Variants in GPC5 observed in about 807,000 individuals in gnomAD.
GPC5 encodes glypican 5.
GPC5 carries 47 observed loss-of-function variants against 53.9 expected under a neutral mutation model. The ratio of observed to expected loss-of-function variants is 0.87; its 90% CI spans 0.69 to 1.11. GPC5 has a LOEUF of 1.11. Ranked by LOEUF, GPC5 falls within the 50% of genes most tolerant of loss-of-function variation. The probability of loss-of-function intolerance (pLI) is 0.00; values close to 1 mark genes in which losing one functional copy is unlikely to be tolerated. For missense variants in GPC5, 748 were observed against 713.1 expected (o/e 1.05, Z -0.56); for synonymous variants, 286 against 263.3 (o/e 1.09, Z -0.84).
At chr13:91,790,311 C>A (rs1049640230) in intron 5 of GPC5, among the ~76,000 whole-genome samples, 7 of 152,032 alleles carry the variant, frequency 4.6e-5, no homozygotes, top group Non-Finnish European at 4.4e-5. Flanking sequence ...GGTCATTTGC[C>A]CAAGGCATAC....
chr13:92,175,316 A>G (rs969771096), intron 7 of GPC5, among the ~76,000 whole-genome samples: 3 of 152,196 alleles, frequency 2.0e-5, no homozygotes, highest in Non-Finnish European at 4.4e-5. Context: ...CATCTATACC[A>G]TATTTTGTAT....
At chr13:92,412,653 A>G (rs1315884005) in intron 7 of GPC5, among the ~76,000 whole-genome samples, 1 of 152,198 alleles carries the variant, frequency 6.6e-6, no homozygotes, top group Non-Finnish European at 1.5e-5. Flanking sequence ...TTGCACTGCA[A>G]CAGAAGAGTT....
chr13:91,990,008 C>T (rs1026454182), intron 6 of GPC5, among the ~76,000 whole-genome samples: 17 of 152,184 alleles, frequency 1.1e-4, no homozygotes, highest in Non-Finnish European at 2.1e-4. Flanking sequence ...ATATTCATAA[C>T]TATAGTAATT....
intron 6 of GPC5, among the ~76,000 whole-genome samples, chr13:91,953,418 A>G (rs988384754): frequency 1.3e-5 from 2 of 152,164 alleles, no homozygotes; most frequent in Non-Finnish European, 1.5e-5. Flanking sequence ...CTCTGAGGAT[A>G]AAGCTGAAAT....
intron 7 of GPC5, among the ~76,000 whole-genome samples, chr13:92,257,131 G>C (rs1035427308): frequency 2.6e-5 from 4 of 152,064 alleles, no homozygotes; most frequent in Non-Finnish European, 5.9e-5. Flanking sequence ...TTTGGCTTAA[G>C]CTGGATATTT....
chr13:91,609,740 C>T (rs781754748), intron 2 of GPC5, among the ~76,000 whole-genome samples: 1 of 152,146 alleles, frequency 6.6e-6, no homozygotes, highest in Non-Finnish European at 1.5e-5. Context: ...ACTTTGGAAC[C>T]CCCAAAGCAT....
At chr13:92,697,040 C>T (rs904737988) in intron 7 of GPC5, among the ~76,000 whole-genome samples, 1 of 151,664 alleles carries the variant, frequency 6.6e-6, no homozygotes. Context: ...GGCCTCTGTT[C>T]TGTTCCATTG....
intron 5 of GPC5, among the ~76,000 whole-genome samples, chr13:91,883,630 A>T (rs1350506899): frequency 6.6e-6 from 1 of 152,216 alleles, no homozygotes; most frequent in Non-Finnish European, 1.5e-5. Context: ...TTATAGCTGA[A>T]GCAGAGTGAG....
In GPC5 at chr13:91,737,909, A is replaced by G. The variant is rs139070688; in HGVS notation, c.1154+9244A>G. On this transcript the variant is annotated intron_variant, in intron 4 of 7. Transcript: ENST00000377067. ...TTAATATAAGGCAGATTAATAGAAA[A>G]ACGATTTTAATTACATATATAGGAA... Among the ~76,000 whole-genome samples the G allele has an allele frequency of 6.7e-4, 101 of 151,506 alleles. 4 individuals are homozygous for G. The highest frequency in any genetic ancestry group is 2.4e-3 in the African/African-American group (96 of 40,806).
chr13:92,838,335 T>G (rs2138829670), intron 7 of GPC5, among the ~76,000 whole-genome samples: 1 of 151,352 alleles, frequency 6.6e-6, no homozygotes, highest in African/African-American at 2.4e-5. Flanking sequence ...ATACAAAAAA[T>G]TAGCTGGGCG....
chr13:91,897,118 A>G (rs2039450399), intron 5 of GPC5, among the ~76,000 whole-genome samples: 1 of 152,112 alleles, frequency 6.6e-6, no homozygotes, highest in Non-Finnish European at 1.5e-5. Context: ...CACAGACCAT[A>G]AAATGGAACT....
At chr13:91,768,492 A>G (rs1331803720) in intron 5 of GPC5, among the ~76,000 whole-genome samples, 2 of 152,204 alleles carry the variant, frequency 1.3e-5, no homozygotes, top group African/African-American at 4.8e-5. Flanking sequence ...ACACACACAC[A>G]AAAATAATTC....
At chr13:91,399,338 G>C in intron 1 of GPC5, 129 bp downstream of exon 1, 2 of 1,182,450 alleles carry the variant, frequency 1.7e-6, no homozygotes, top group South Asian at 1.6e-5. Context: ...GTGAATCCCG[G>C]GGAGGCTTCC....
intron 7 of GPC5, among the ~76,000 whole-genome samples, chr13:92,733,376 T>G (rs1888858018): frequency 6.6e-6 from 1 of 151,676 alleles, no homozygotes; most frequent in African/African-American, 2.4e-5. Context: ...GTGCATCATC[T>G]TTGTTTTCAA....
chr13:91,843,222 G>A (rs537844548), intron 5 of GPC5, among the ~76,000 whole-genome samples: 1 of 152,196 alleles, frequency 6.6e-6, no homozygotes, highest in Admixed American at 6.5e-5. Context: ...ACCGCTCTAA[G>A]AAAGACAAAT....
chr13:91,647,213 G>T (rs997374760), intron 2 of GPC5, among the ~76,000 whole-genome samples: 5 of 151,722 alleles, frequency 3.3e-5, no homozygotes, highest in African/African-American at 1.2e-4. Flanking sequence ...AATATAATGT[G>T]CACCTCTGTA....
At chr13:92,184,181 G>A (rs1057503537) in intron 7 of GPC5, among the ~76,000 whole-genome samples, 1 of 151,936 alleles carries the variant, frequency 6.6e-6, no homozygotes, top group African/African-American at 2.4e-5. Context: ...CTTCCAGTAT[G>A]AGATACCATA....
At chr13:92,030,310 C>T (rs1012514849) in intron 6 of GPC5, among the ~76,000 whole-genome samples, 5 of 152,132 alleles carry the variant, frequency 3.3e-5, no homozygotes, top group African/African-American at 2.4e-5. Context: ...CTGTTATGTT[C>T]TCCACCACCC....
chr13:92,076,210 A>G (rs1004020169), intron 6 of GPC5, among the ~76,000 whole-genome samples: 1 of 151,638 alleles, frequency 6.6e-6, no homozygotes, highest in African/African-American at 2.4e-5. Context: ...CTGGGACTAC[A>G]GGCGCCCACC....
Sources: gnomAD v4.1 joint callset for allele counts (sites outside exome capture counted in the v4.1 genomes callset) on GRCh38, gnomAD v4.1.1 for gene constraint, MANE v1.5 for transcripts, NCBI Gene and HGNC (gene_info 2026-07-23, HGNC 2026-07-21) for gene names.